CEP63: variants seen among roughly 807,000 people sequenced by gnomAD.
CEP63 encodes centrosomal protein of 63 kDa.
A neutral mutation model predicts 89.1 loss-of-function variants in CEP63; 84 were observed. The observed-to-expected ratio is 0.94, with a 90% CI of 0.79 to 1.13. CEP63 has a LOEUF of 1.13. Ranked by LOEUF, CEP63 falls within the 50% of genes most tolerant of loss-of-function variation. CEP63 has a pLI of 0.00. For missense variants in CEP63, 838 were observed against 813.3 expected, an observed-to-expected ratio of 1.03 and a Z score of -0.37; for synonymous variants, 267 against 272.5, an observed-to-expected ratio of 0.98 and a Z score of 0.20.
rs933307186 is a variant in CEP63 at position 134,561,280 on chromosome 3, C to T, written c.1954-97C>T. On this transcript the variant is annotated intron_variant, in intron 14 of 14. Coordinates refer to ENST00000675561, the MANE Select transcript of CEP63 (RefSeq NM_001353108.3). ...AGTATCTTCAGAGGAAAAAAATCAC[C>T]TTTTAATATTGCTAGTTAGAAAATG... 39 of 1,262,622 alleles carry T rather than the reference C, an allele frequency of 3.1e-5. No individual in the cohort carries two copies. The Middle Eastern group carries it at 5.7e-4, about 19-fold the overall frequency. The allele number at this position is 1,262,622 out of a possible 1,614,324, so 78.2% of individuals were successfully genotyped here.
At chr3:134,487,328 T>G (rs1383141199) in intron 1 of CEP63, among the ~76,000 whole-genome samples, 3 of 152,230 alleles carry the variant, frequency 2.0e-5, no homozygotes, top group Non-Finnish European at 4.4e-5. Flanking sequence ...ATCAGGGTAG[T>G]AAAAAGCTCT....
intron 11 of CEP63, among the ~76,000 whole-genome samples, chr3:134,572,966 T>C (rs1201975177): frequency 6.6e-6 from 1 of 152,188 alleles, no homozygotes; most frequent in East Asian, 1.9e-4. Context: ...TGATAGGAGA[T>C]GGTTATCTCA....
chr3:134,738,506 T>C, the CEP63 span, among the ~76,000 whole-genome samples: 152,298 of 152,332 alleles, frequency 1, 76,132 homozygotes, highest in Non-Finnish European at 1. Context: ...TTCTAGTTTA[T>C]ATTCCTCAGG....
At chr3:134,666,781 GCT>G in the CEP63 span, among the ~76,000 whole-genome samples, 1 of 152,184 alleles carries the variant, frequency 6.6e-6, no homozygotes, top group African/African-American at 2.4e-5. Flanking sequence ...TACGTGCCAG[GCT>G]CTGTCCTATC....
the CEP63 span, among the ~76,000 whole-genome samples, chr3:134,669,732 G>A: frequency 1.3e-5 from 2 of 152,132 alleles, no homozygotes; most frequent in South Asian, 2.1e-4. Flanking sequence ...ATTGAATCAA[G>A]ATTTTAAATA....
chr3:134,701,707 G>A, the CEP63 span, among the ~76,000 whole-genome samples: 1 of 152,082 alleles, frequency 6.6e-6, no homozygotes, highest in Non-Finnish European at 1.5e-5. Flanking sequence ...ATTCAACATA[G>A]TATTGGAAGT....
the CEP63 span, among the ~76,000 whole-genome samples, chr3:134,626,284 G>T: frequency 5.3e-5 from 8 of 152,220 alleles, no homozygotes; most frequent in African/African-American, 1.9e-4. Context: ...GGTATGGTAG[G>T]GAAGTCTGGG....
In CEP63 at chr3:134,498,732, C is replaced by T. The variant is rs1422605607; in HGVS notation, c.44+3368C>T. Among the ~76,000 whole-genome samples, 3 of 152,020 alleles carry T rather than the reference C, an allele frequency of 2.0e-5. No homozygotes were observed. In the East Asian group the frequency reaches 5.8e-4, roughly 29 times the overall value. On this transcript the variant is annotated intron_variant, in intron 2 of 14. Coordinates refer to ENST00000675561, the MANE Select transcript of CEP63 (RefSeq NM_001353108.3). ...TTTATTATGTTGAGGTATGTTCCTT[C>T]TATGCTTGAGAGTTTTTATCATGGA...
intron 2 of CEP63, among the ~76,000 whole-genome samples, chr3:134,499,107 G>A (rs1375749368): frequency 6.6e-6 from 1 of 152,200 alleles, no homozygotes; most frequent in African/African-American, 2.4e-5. Flanking sequence ...ACTTTGAGAA[G>A]AATTGATGTT....
chr3:134,632,942 C>T, the CEP63 span, among the ~76,000 whole-genome samples: 4 of 151,814 alleles, frequency 2.6e-5, no homozygotes, highest in African/African-American at 7.3e-5. Flanking sequence ...CGCTACAGAC[C>T]CTCATATGTA....
the CEP63 span, among the ~76,000 whole-genome samples, chr3:134,657,103 C>CTTACA: frequency 2.6e-5 from 4 of 152,152 alleles, no homozygotes; most frequent in Admixed American, 6.5e-5. Context: ...TTTAATTGGA[C>CTTACA]TTACAGTTCT....
chr3:134,760,641 T>A, the CEP63 span, among the ~76,000 whole-genome samples: 1 of 152,202 alleles, frequency 6.6e-6, no homozygotes, highest in Non-Finnish European at 1.5e-5. Context: ...GCGTACTCAG[T>A]CCTCATGACA....
At chr3:134,673,718 C>G in the CEP63 span, among the ~76,000 whole-genome samples, 25 of 152,156 alleles carry the variant, frequency 1.6e-4, 1 homozygote, top group Admixed American at 1.4e-3. Context: ...TTAATCCCTT[C>G]CCCATCCCCT....
At chr3:134,513,748 A>AGGCCC (rs1945548654) in intron 3 of CEP63, among the ~76,000 whole-genome samples, 1 of 152,188 alleles carries the variant, frequency 6.6e-6, no homozygotes, top group Non-Finnish European at 1.5e-5. Flanking sequence ...GGACCAGAAC[A>AGGCCC]GGCCCTCTTG....
At chr3:134,758,683 A>G in the CEP63 span, among the ~76,000 whole-genome samples, 5 of 152,170 alleles carry the variant, frequency 3.3e-5, no homozygotes, top group Non-Finnish European at 7.3e-5. Flanking sequence ...ATTGGCCCTG[A>G]TCTAAGATAG....
At chr3:134,534,426 C>T (rs534861099) in intron 5 of CEP63, among the ~76,000 whole-genome samples, 2 of 151,748 alleles carry the variant, frequency 1.3e-5, no homozygotes, top group South Asian at 4.1e-4. Flanking sequence ...TTTCAGCTAA[C>T]TCTCTCTAGT....
the CEP63 span, among the ~76,000 whole-genome samples, chr3:134,690,563 G>T: frequency 3.7e-4 from 56 of 152,142 alleles, no homozygotes; most frequent in African/African-American, 1.3e-3. Context: ...TAACTGACTG[G>T]AGATTTATCT....
chr3:134,662,774 G>A, the CEP63 span, among the ~76,000 whole-genome samples: 2 of 152,210 alleles, frequency 1.3e-5, no homozygotes, highest in South Asian at 2.1e-4. Context: ...GAAGGTGTAC[G>A]TGGATAGCAA....
At chr3:134,583,974 CTCTG>C (rs1406385107) in intron 10 of CEP63, among the ~76,000 whole-genome samples, 3 of 151,982 alleles carry the variant, frequency 2.0e-5, no homozygotes, top group East Asian at 1.9e-4. Context: ...TGATTTGGCT[CTCTG>C]TCTGTTGTTG....
Sources: allele counts gnomAD v4.1 joint callset (sites outside exome capture counted in the v4.1 genomes callset), GRCh38; gene constraint gnomAD v4.1.1; transcripts MANE v1.5; gene names NCBI Gene and HGNC (gene_info 2026-07-23, HGNC 2026-07-21).